Variants in CHTF18 observed in about 807,000 individuals in gnomAD.
The protein encoded by CHTF18 is chromosome transmission fidelity protein 18 homolog.
CHTF18 carries 151 observed loss-of-function variants against 113.4 expected under a neutral mutation model. The observed-to-expected ratio is 1.33, with a 90% CI of 1.17 to 1.52. The LOEUF is 1.52. CHTF18 is among the 40% of genes most tolerant of loss of function. CHTF18 has a pLI of 0.00. For missense variants in CHTF18, 1,982 were observed against 1,381.6 expected, an observed-to-expected ratio of 1.43 and a Z score of -6.89; for synonymous variants, 916 against 598.8, an observed-to-expected ratio of 1.53 and a Z score of -7.74.
intron 11 of CHTF18, 38 bp downstream of exon 11, chr16:792,628 C>G (rs1353011861): frequency 1.3e-6 from 2 of 1,591,960 alleles, no homozygotes; most frequent in South Asian, 1.1e-5. Flanking sequence ...AGGAGAGGCT[C>G]TGGTGCCTGG....
chr16:789,899 T>C (rs578093733), intron 4 of CHTF18, 184 bp downstream of exon 4: 13 of 1,401,178 alleles, frequency 9.3e-6, no homozygotes, highest in South Asian at 7.8e-5. Context: ...AGCAGGTTGC[T>C]GTCCAGCCTG....
Position 789,266 on chromosome 16 carries a change from G to A in CHTF18, c.343G>A (p.Glu115Lys). 1 of 1,566,674 alleles carries A rather than the reference G, an allele frequency of 6.4e-7. No homozygotes were observed. The highest frequency in any genetic ancestry group is 8.6e-7 in the Non-Finnish European group (1 of 1,156,962). Reference sequence around the variant, plus strand: ...GGTCAAGAGGCTGAACTTCAGATCGGAGGAGATGGAGGAGCCGCCCCCTCC... The same window carrying A: ...GGTCAAGAGGCTGAACTTCAGATCGAAGGAGATGGAGGAGCCGCCCCCTCC... ...QVVKRLNFRS[E>K]EMEEPPPPDS... The change falls in exon 3 of 22, where the codon GAG (glutamate) becomes AAG (lysine). Residue 115 changes from glutamate to lysine, a missense_variant. Coordinates refer to ENST00000262315, the MANE Select transcript of CHTF18 (RefSeq NM_022092.3).
chr16:792,211 C>G lies in CHTF18; in HGVS notation c.1203-13C>G, dbSNP rs749217707. 2 of 1,567,908 alleles carry G rather than the reference C, an allele frequency of 1.3e-6. No individual in the cohort carries two copies. Among genetic ancestry groups the G allele is most frequent in the African/African-American group, 1.4e-5 (1 of 73,560 alleles). ...GCCCACTGCCCTGACGACCCCTGAC[C>G]TCCCCATTGCAGTGACGACCGTAGC... On this transcript the variant is annotated splice_polypyrimidine_tract_variant and intron_variant, in intron 9 of 21. Transcript: ENST00000262315.
At chr16:791,102 C>T (rs777929912) in intron 7 of CHTF18, 59 bp from the exon 8 acceptor site, 4 of 1,549,138 alleles carry the variant, frequency 2.6e-6, no homozygotes, top group South Asian at 2.4e-5. Flanking sequence ...GGCAGGTGGA[C>T]TGTCCGTGCC....
intron 14 of CHTF18, 67 bp from the exon 15 acceptor site, chr16:793,986 CG>C: frequency 1.3e-6 from 2 of 1,548,278 alleles, no homozygotes; most frequent in South Asian, 1.2e-5. Context: ...CTGAGTGTCC[CG>C]GGGAGACGGG....
intron 14 of CHTF18, 187 bp from the exon 15 acceptor site, chr16:793,867 A>C: frequency 2.0e-5 from 13 of 654,350 alleles, no homozygotes; most frequent in Non-Finnish European, 2.6e-5. Flanking sequence ...GCTTAAGGGA[A>C]TGTTTCAGGG....
At position 795,746 on chromosome 16, in the gene CHTF18, C is replaced by T. The variant is rs570459739; in HGVS notation, c.2237C>T (p.Pro746Leu). ...LIQTLVSGIAPATRSRATPQA... is the reference protein window; with the variant it reads ...LIQTLVSGIALATRSRATPQA... ...CAGACGCTGGTGTCCGGCATCGCGC[C>T]AGCCACGCGCAGCCGGGCCACGCCC... Residue 746 changes from proline to leucine, a missense_variant, in exon 17 of 22, where the codon CCA (proline) becomes CTA (leucine). Physicochemically the swap from Pro to Leu is moderately conservative, Grantham distance 98. Transcript: ENST00000262315. 26 of 1,608,416 alleles carry T rather than the reference C, an allele frequency of 1.6e-5. No individual in the cohort carries two copies. In the African/African-American group the frequency reaches 2.2e-4, roughly 13 times the overall value.
chr16:789,322 G>A lies in CHTF18; in HGVS notation c.399G>A (p.Pro133=), dbSNP rs368449098. 7.5e-6 allele frequency: 12 copies of A among 1,601,678 alleles called. No homozygotes were observed. The highest frequency in any genetic ancestry group is 1.0e-5 in the Non-Finnish European group (12 of 1,174,932). ...PDSSPTDITP[P]PSPEDLAELW... ...CCTCGCCGACGGACATCACCCCGCC[G>A]CCGAGCCCTGAGGACCTCGCAGAGC... Residue 133 remains proline (P), a synonymous_variant, in exon 3 of 22, where the codon CCG becomes CCA. Coordinates refer to ENST00000262315, the MANE Select transcript of CHTF18 (RefSeq NM_022092.3).
chr16:794,849 G>A lies in CHTF18; in HGVS notation c.1951-283G>A, dbSNP rs529621982. On this transcript the variant is annotated intron_variant, in intron 15 of 21. Transcript: ENST00000262315. The stretch of plus-strand genomic sequence containing the variant: ...TTGGTTCCTGGAGGCCTCCTGGTGG[G>A]TCACCCCCTCGTGTCAGTCTCTGTC... 8 of 470,182 alleles carry A rather than the reference G, an allele frequency of 1.7e-5. No individual in the cohort carries two copies. In the South Asian group the frequency reaches 2.0e-4, roughly 12 times the overall value. The allele number at this position is 470,182 out of a possible 1,614,324, so 29.1% of individuals were successfully genotyped here.
rs1186378668 is a variant in CHTF18 at position 795,281 on chromosome 16, C to T, written c.2100C>T (p.Phe700=). 4.5e-6 allele frequency: 7 copies of T among 1,549,034 alleles called. No homozygotes were observed. The East Asian group carries it at 9.8e-5, about 22-fold the overall frequency. ...TCCAGCTGCTGCGCTACCCACCCTT[C>T]CTGCCCGTGGCCTTCCATGTGCTGT... is the stretch of plus-strand genomic sequence containing the variant. The part of the protein sequence containing the change: ...QSFQLLRYPP[F]LPVAFHVLFA... Residue 700 remains phenylalanine, a synonymous_variant, in exon 16 of 22, where the codon TTC becomes TTT. Coordinates refer to ENST00000262315, the MANE Select transcript of CHTF18 (RefSeq NM_022092.3).
In CHTF18 at chr16:789,578, A is replaced by T. The variant is rs772543599; in HGVS notation, c.469A>T (p.Thr157Ser). The stretch of plus-strand genomic sequence containing the variant: ...AGAAGCTGCTGCCGACGTGGGTCTC[A>T]CACGGGCCTCACCAGCTGCCCGCAA... ...VSEAAADVGL[T>S]RASPAARNPV... The change falls in exon 4 of 22, where the codon ACA (threonine) becomes TCA (serine). Residue 157 changes from threonine (T) to serine (S), a missense_variant. Thr to Ser is a moderately conservative substitution (Grantham distance 58). Coordinates refer to ENST00000262315, the MANE Select transcript of CHTF18 (RefSeq NM_022092.3). The T allele has an allele frequency of 6.2e-7, 1 of 1,606,618 alleles. No homozygotes were observed. Among genetic ancestry groups the T allele is most frequent in the South Asian group, 1.1e-5 (1 of 90,650 alleles).
At chr16:795,404 C>A in intron 16 of CHTF18, 48 bp downstream of exon 16, 1 of 1,412,614 alleles carries the variant, frequency 7.1e-7, no homozygotes, top group African/African-American at 1.8e-5. Context: ...GTGCCCGCCC[C>A]CCTGTGCTGC....
At chr16:790,747 C>T in intron 7 of CHTF18, 81 bp downstream of exon 7, 7 of 1,451,786 alleles carry the variant, frequency 4.8e-6, no homozygotes, top group African/African-American at 1.4e-5. Context: ...GATTTTTGCA[C>T]AGCCAATCCA....
intron 14 of CHTF18, 38 bp from the exon 15 acceptor site, chr16:794,016 T>C (rs2042271196): frequency 1.1e-5 from 17 of 1,592,550 alleles, no homozygotes; most frequent in Non-Finnish European, 1.5e-5. Flanking sequence ...CCTGTGCTTT[T>C]AACACGGGTC....
At chr16:796,893 A>G (rs1228242218) in intron 19 of CHTF18, 32 bp downstream of exon 19, 2 of 1,568,982 alleles carry the variant, frequency 1.3e-6, no homozygotes, top group Non-Finnish European at 1.7e-6. Flanking sequence ...AGCAGGTTGC[A>G]GTCTGGGCGT....
chr16:797,101 T>G lies in CHTF18; in HGVS notation c.2733+9T>G. 2 of 1,501,106 alleles carry G rather than the reference T, an allele frequency of 1.3e-6. No individual in the cohort carries two copies. The highest frequency in any genetic ancestry group is 1.8e-6 in the Non-Finnish European group (2 of 1,130,400). 93.0% of individuals were successfully genotyped at this position (1,501,106 alleles called of 1,614,324 possible). On this transcript the variant is annotated intron_variant, in intron 20 of 21. Transcript: ENST00000262315. ...CGGCCCGGGAGGAACAGGTGTGGAATGGGCAGCTGTGGGGGTGGGACCAGG... is the reference window on the plus strand; with the variant it reads ...CGGCCCGGGAGGAACAGGTGTGGAAGGGGCAGCTGTGGGGGTGGGACCAGG...
At chr16:794,874 C>T (rs2042294760) in intron 15 of CHTF18, 1 of 477,784 alleles carries the variant, frequency 2.1e-6, no homozygotes. Flanking sequence ...CAGTCTCTGT[C>T]AAGTCAGTCT....
chr16:797,823 C>G lies in CHTF18; in HGVS notation c.2792-16C>G, dbSNP rs946711007. 1 of 1,595,988 alleles carries G rather than the reference C, an allele frequency of 6.3e-7. No individual in the cohort carries two copies. The stretch of plus-strand genomic sequence containing the variant: ...GGGGGGCCTTACAGCTGAGGAGCAA[C>G]CCTGTGGCCCCGCAGGGGACACGGC... On this transcript the variant is annotated splice_polypyrimidine_tract_variant and intron_variant, in intron 21 of 21. Coordinates refer to ENST00000262315, the MANE Select transcript of CHTF18 (RefSeq NM_022092.3).
chr16:796,818 T>C lies in CHTF18; in HGVS notation c.2558T>C (p.Met853Thr), dbSNP rs746835353. The change falls in exon 19 of 22, where the codon ATG becomes ACG. Residue 853 changes from methionine (M) to threonine (T), a missense_variant. Met to Thr is a moderately conservative substitution (Grantham distance 81). Coordinates refer to ENST00000262315, the MANE Select transcript of CHTF18 (RefSeq NM_022092.3). ...LIAREIEVEKMRRAEASARVE... is the reference protein window; with the variant it reads ...LIAREIEVEKTRRAEASARVE... Reference sequence around the variant, plus strand: ...GCCCGCGAGATCGAGGTGGAGAAGATGCGGCGGGCGGAGGCTTCTGCCCGG... The same window carrying C: ...GCCCGCGAGATCGAGGTGGAGAAGACGCGGCGGGCGGAGGCTTCTGCCCGG... 9 of 1,607,310 alleles carry C rather than the reference T, an allele frequency of 5.6e-6. No homozygotes were observed. The Admixed American group carries it at 1.5e-4, about 27-fold the overall frequency.
Sources: allele counts gnomAD v4.1 joint callset, GRCh38; gene constraint gnomAD v4.1.1; transcripts MANE v1.5; gene names NCBI Gene and HGNC (gene_info 2026-07-23, HGNC 2026-07-21).